MEIOB: variants seen among roughly 807,000 people sequenced by gnomAD.
MEIOB encodes the protein meiosis-specific with OB domain-containing protein.
MEIOB carries 50 observed loss-of-function variants against 53.1 expected under a neutral mutation model. That is an observed-to-expected ratio of 0.94 (90% CI 0.75 to 1.19). The LOEUF is 1.19. MEIOB is among the 50% of genes most tolerant of loss of function. MEIOB has a pLI of 0.00. For synonymous variants in MEIOB, 192 were observed against 182.5 expected, an observed-to-expected ratio of 1.05 and a Z score of -0.42; for missense variants, 551 against 550.8, an observed-to-expected ratio of 1.00 and a Z score of 0.00.
chr16:1,862,164 G>C, intron 3 of MEIOB, 48 bp from the exon 4 acceptor site: 1 of 1,465,740 alleles, frequency 6.8e-7, no homozygotes, highest in South Asian at 1.3e-5. Context: ...AGTTTCAATC[G>C]CTTCTCTGCC....
intron 12 of MEIOB, chr16:1,838,155 G>T: frequency 1.9e-6 from 1 of 514,546 alleles, no homozygotes; most frequent in South Asian, 3.5e-5. Flanking sequence ...CTCTTCTCTG[G>T]CTAATTGTTT....
intron 13 of MEIOB, among the ~76,000 whole-genome samples, chr16:1,835,824 A>G (rs1319570923): frequency 6.6e-6 from 1 of 151,330 alleles, no homozygotes; most frequent in African/African-American, 2.4e-5. Context: ...AGCATTTTGC[A>G]TTGCCTGCCT....
At chr16:1,858,785 A>G (rs1417128239) in intron 5 of MEIOB, among the ~76,000 whole-genome samples, 1 of 152,184 alleles carries the variant, frequency 6.6e-6, no homozygotes, top group Non-Finnish European at 1.5e-5. Context: ...GTATTTCTAG[A>G]TGAAAAATAG....
intron 9 of MEIOB, among the ~76,000 whole-genome samples, chr16:1,850,052 TGTTG>T (rs1489422612): frequency 6.6e-6 from 1 of 152,216 alleles, no homozygotes; most frequent in Non-Finnish European, 1.5e-5. Flanking sequence ...TTTCTAATGA[TGTTG>T]GTTATTGCTC....
chr16:1,863,333 C>A (rs1189213802), intron 3 of MEIOB, among the ~76,000 whole-genome samples: 1 of 150,008 alleles, frequency 6.7e-6, no homozygotes, highest in East Asian at 2.0e-4. Context: ...AGACGCACAC[C>A]ACCATGCCAG....
At position 1,841,830 on chromosome 16, in the gene MEIOB, G is replaced by A. The variant is rs765812092; in HGVS notation, c.1024C>T (p.Arg342Ter). 16 of 1,570,396 alleles carry A rather than the reference G, an allele frequency of 1.0e-5. No homozygotes were observed. The highest frequency in any genetic ancestry group is 3.8e-5 in the Admixed American group (2 of 52,410). ...GACACGGATCCTTACCATCTATTTC[G>A]AACTACTTTTGTAGTTTCATCATCA... Reference protein sequence around the residue: ...NIDDETTKVVRNRCSSCGYIV... With the variant: ...NIDDETTKVV Residue 342 changes from arginine to a stop codon, truncating the protein, a stop_gained, in exon 11 of 14, where the codon CGA becomes TGA. Coordinates refer to ENST00000325962, the MANE Select transcript of MEIOB (RefSeq NM_001163560.3). LOFTEE classifies it high-confidence loss of function.
In MEIOB at chr16:1,857,723, GT is replaced by G; in HGVS notation, c.528+11del. ...CCAGATTGCACTTGGCTTTGTCGGGGTTTTAACTTACCGATTTCACAGCTGC... is the reference window on the plus strand; with the variant it reads ...CCAGATTGCACTTGGCTTTGTCGGGGTTTAACTTACCGATTTCACAGCTGC... On this transcript the variant is annotated intron_variant, in intron 6 of 13. Coordinates refer to ENST00000325962, the MANE Select transcript of MEIOB (RefSeq NM_001163560.3). 6.5e-7 allele frequency: 1 copy of G among 1,550,262 alleles called. No individual in the cohort carries two copies. Among genetic ancestry groups the G allele is most frequent in the Non-Finnish European group, 8.7e-7 (1 of 1,146,298 alleles).
intron 6 of MEIOB, among the ~76,000 whole-genome samples, chr16:1,856,056 G>A (rs998653471): frequency 2.8e-4 from 42 of 150,550 alleles, no homozygotes; most frequent in African/African-American, 9.1e-4. Context: ...GTGCAGTGGC[G>A]CCATCTCAGC....
At chr16:1,865,500 CACATACACAT>C (rs1342311433) in intron 3 of MEIOB, among the ~76,000 whole-genome samples, 196 of 121,010 alleles carry the variant, frequency 1.6e-3, no homozygotes, top group African/African-American at 5.9e-3. Flanking sequence ...CACATACACA[CACATACACAT>C]GCACACACAT....
chr16:1,848,107 C>G (rs1899068940), intron 9 of MEIOB, among the ~76,000 whole-genome samples: 1 of 147,146 alleles, frequency 6.8e-6, no homozygotes, highest in Non-Finnish European at 1.5e-5. Flanking sequence ...GCCACCATGC[C>G]CAGCTATTTT....
At chr16:1,838,862 T>G (rs1439051423) in intron 12 of MEIOB, among the ~76,000 whole-genome samples, 1 of 152,146 alleles carries the variant, frequency 6.6e-6, no homozygotes, top group Admixed American at 6.5e-5. Flanking sequence ...CAGCTAATTT[T>G]TGTATTTTTA....
At chr16:1,855,142 T>A (rs1357372772) in intron 6 of MEIOB, among the ~76,000 whole-genome samples, 2 of 152,070 alleles carry the variant, frequency 1.3e-5, no homozygotes, top group African/African-American at 4.8e-5. Context: ...TAAATGAAAG[T>A]GTGAAGAGTG....
At chr16:1,870,585 C>T (rs564396847) in intron 1 of MEIOB, among the ~76,000 whole-genome samples, 2 of 152,324 alleles carry the variant, frequency 1.3e-5, no homozygotes, top group South Asian at 4.1e-4. Context: ...ATAACATCCA[C>T]CTGGCAGTGA....
intron 1 of MEIOB, among the ~76,000 whole-genome samples, chr16:1,868,802 C>G (rs898483279): frequency 6.6e-6 from 1 of 151,974 alleles, no homozygotes; most frequent in Non-Finnish European, 1.5e-5. Context: ...TTGCAGTGAG[C>G]TGAGATGGCA....
At chr16:1,838,217 C>T in intron 12 of MEIOB, 1 of 430,352 alleles carries the variant, frequency 2.3e-6, no homozygotes. Flanking sequence ...CCAGGGTGAT[C>T]TTGAACTCCT....
intron 9 of MEIOB, among the ~76,000 whole-genome samples, chr16:1,848,732 T>C (rs1429729136): frequency 2.6e-5 from 4 of 151,958 alleles, no homozygotes; most frequent in Middle Eastern, 3.4e-3. Context: ...TTAGTAGAGA[T>C]GATATTTCAC....
chr16:1,869,228 G>A (rs1456485935), intron 1 of MEIOB, among the ~76,000 whole-genome samples: 1 of 151,954 alleles, frequency 6.6e-6, no homozygotes, highest in African/African-American at 2.4e-5. Flanking sequence ...AGGCTCAAGC[G>A]ATTCTTCTGC....
chr16:1,851,501 A>T (rs1181679098), intron 9 of MEIOB, among the ~76,000 whole-genome samples: 2 of 152,120 alleles, frequency 1.3e-5, no homozygotes, highest in Non-Finnish European at 2.9e-5. Flanking sequence ...TGAGGGTGGA[A>T]ATATTTATCC....
intron 5 of MEIOB, 53 bp downstream of exon 5, chr16:1,860,350 C>G (rs1899411512): frequency 1.0e-6 from 1 of 956,518 alleles, no homozygotes; most frequent in Admixed American, 2.1e-5. Context: ...TCTGATACAA[C>G]ATTATTAGTA....
Sources: allele counts gnomAD v4.1 joint callset (sites outside exome capture counted in the v4.1 genomes callset), GRCh38; gene constraint gnomAD v4.1.1; transcripts MANE v1.5; gene names NCBI Gene and HGNC (gene_info 2026-07-23, HGNC 2026-07-21).